GRIA2: variants seen among roughly 807,000 people sequenced by gnomAD.
The protein encoded by GRIA2 is glutamate ionotropic receptor AMPA type subunit 2, also known as glutamate receptor 2.
Under a neutral mutation model 97.3 loss-of-function variants are expected in GRIA2, and 14 were observed. The ratio of observed to expected loss-of-function variants is 0.14; its 90% CI spans 0.10 to 0.23. The LOEUF (loss-of-function observed/expected upper bound fraction) is 0.23. Ranked by LOEUF, GRIA2 falls within the 10% of genes least tolerant of loss-of-function variation. The pLI, the probability that GRIA2 is intolerant of heterozygous loss-of-function variation, is 1.00. For synonymous variants in GRIA2, 412 were observed against 387.8 expected, an observed-to-expected ratio of 1.06 and a Z score of -0.73; for missense variants, 558 against 1,069.8, an observed-to-expected ratio of 0.52 and a Z score of 6.67.
In GRIA2 at chr4:157,246,771, T is replaced by C. The variant is rs1730750962; in HGVS notation, c.229+24964T>C. 2.0e-5 allele frequency among the ~76,000 whole-genome samples: 3 copies of C among 152,142 alleles called. No homozygotes were observed. The South Asian group carries it at 6.2e-4, about 32-fold the overall frequency. ...GAGATTTTCACTTCTTAGAGTTGAT[T>C]TTTCTTCACACAAATATTGAGTAGT... is the stretch of plus-strand genomic sequence containing the variant. On this transcript the variant is annotated intron_variant, in intron 2 of 15. Transcript: ENST00000264426.
chr4:157,235,631 A>G lies in GRIA2; in HGVS notation c.229+13824A>G, dbSNP rs1419788092. Reference sequence around the variant, plus strand: ...TGCTGAAAACTTGGGTAGCCAAATGAGTACTACTGCTGTTAACAAACTAAT... The same window carrying G: ...TGCTGAAAACTTGGGTAGCCAAATGGGTACTACTGCTGTTAACAAACTAAT... On this transcript the variant is annotated intron_variant, in intron 2 of 15. Coordinates refer to ENST00000264426, the MANE Select transcript of GRIA2 (RefSeq NM_001083619.3). Among the ~76,000 whole-genome samples, 4 of 152,102 alleles carry G rather than the reference A, an allele frequency of 2.6e-5. No homozygotes were observed. The South Asian group carries it at 8.3e-4, about 31-fold the overall frequency.
At chr4:157,303,520 A>AT in intron 2 of GRIA2, 32 bp from the exon 3 acceptor site, 1 of 1,599,990 alleles carries the variant, frequency 6.3e-7, no homozygotes, top group Non-Finnish European at 8.6e-7. Context: ...AATTTCAATG[A>AT]TTTTTCCTTT....
At chr4:157,266,610 G>A (rs1359740879) in intron 2 of GRIA2, among the ~76,000 whole-genome samples, 2 of 152,074 alleles carry the variant, frequency 1.3e-5, no homozygotes, top group African/African-American at 4.8e-5. Context: ...GTTGCAGTGA[G>A]CTAATGAATG....
intron 12 of GRIA2, among the ~76,000 whole-genome samples, chr4:157,347,503 C>T (rs749109984): frequency 2.6e-5 from 4 of 152,166 alleles, no homozygotes; most frequent in Non-Finnish European, 5.9e-5. Flanking sequence ...TAAAACAATA[C>T]AGAAGTGATT....
At chr4:157,335,947 C>G in intron 10 of GRIA2, 70 bp downstream of exon 10, 2 of 962,030 alleles carry the variant, frequency 2.1e-6, no homozygotes, top group South Asian at 2.8e-5. Context: ...CTTCCTCTCC[C>G]TGTGAAGTAT....
At chr4:157,350,774 G>T (rs1735975682) in intron 12 of GRIA2, among the ~76,000 whole-genome samples, 3 of 151,890 alleles carry the variant, frequency 2.0e-5, no homozygotes, top group African/African-American at 7.2e-5. Flanking sequence ...TAACTGCATG[G>T]AATTAATTGC....
At chr4:157,354,625 G>A (rs142313802) in intron 12 of GRIA2, among the ~76,000 whole-genome samples, 4 of 152,272 alleles carry the variant, frequency 2.6e-5, no homozygotes, top group Non-Finnish European at 4.4e-5. Flanking sequence ...AAATGTGATG[G>A]CAGATGTTGT....
chr4:157,301,317 A>G (rs1257114398), intron 2 of GRIA2, among the ~76,000 whole-genome samples: 2 of 152,264 alleles, frequency 1.3e-5, no homozygotes, highest in African/African-American at 4.8e-5. Flanking sequence ...CAAATACACT[A>G]AAGGTTATTT....
At chr4:157,281,904 T>C (rs1411931192) in intron 2 of GRIA2, among the ~76,000 whole-genome samples, 1 of 152,132 alleles carries the variant, frequency 6.6e-6, no homozygotes, top group Non-Finnish European at 1.5e-5. Context: ...ATTTCTTTCT[T>C]GTACCTTCTC....
intron 6 of GRIA2, 24 bp downstream of exon 6, chr4:157,321,623 C>A (rs1243510950): frequency 2.6e-6 from 4 of 1,558,110 alleles, no homozygotes; most frequent in East Asian, 2.3e-5. Context: ...TCTGTCTTTT[C>A]TTTTTCTTTC....
At chr4:157,353,147 G>A (rs187983940) in intron 12 of GRIA2, among the ~76,000 whole-genome samples, 3 of 149,118 alleles carry the variant, frequency 2.0e-5, no homozygotes, top group Non-Finnish European at 4.5e-5. Context: ...GAGGTCGGGA[G>A]TTTGAGACCA....
intron 2 of GRIA2, among the ~76,000 whole-genome samples, chr4:157,296,661 T>G (rs377269962): frequency 6.6e-6 from 1 of 152,172 alleles, no homozygotes; most frequent in African/African-American, 2.4e-5. Flanking sequence ...TTCTACCAGG[T>G]GCCCAGGGAA....
chr4:157,276,844 T>G (rs1299594397), intron 2 of GRIA2, among the ~76,000 whole-genome samples: 5 of 151,852 alleles, frequency 3.3e-5, no homozygotes, highest in Non-Finnish European at 7.4e-5. Flanking sequence ...GAAAATACAA[T>G]TTGCCTAAAC....
chr4:157,249,593 T>G (rs939049905), intron 2 of GRIA2: 16 of 152,142 alleles, frequency 1.1e-4, no homozygotes, highest in African/African-American at 3.9e-4. Context: ...CTTAAAATAA[T>G]CATGTGCCTG....
rs547528312 is a variant in GRIA2, at chr4:157,341,176, T to G, written c.1845-88T>G. The G allele has an allele frequency of 1.9e-4, 161 of 828,108 alleles. 1 individual carries two copies. The East Asian group carries it at 3.6e-3, about 18-fold the overall frequency. 51.3% of individuals were successfully genotyped at this position (828,108 alleles called of 1,614,324 possible). A position where few individuals can be genotyped will look rare whatever the true frequency, so the allele number is the denominator to read the frequency against. ...AAATATAAAATTAAATATTCCCCTA[T>G]AAGTCAATATTTGCATAATACTGCT... is the stretch of plus-strand genomic sequence containing the variant. On this transcript the variant is annotated intron_variant, in intron 11 of 15. Transcript: ENST00000264426.
chr4:157,336,572 G>A lies in GRIA2; in HGVS notation c.1669G>A (p.Val557Ile). 1 of 1,612,990 alleles carries A rather than the reference G, an allele frequency of 6.2e-7. No individual in the cohort carries two copies. Among genetic ancestry groups the A allele is most frequent in the Non-Finnish European group, 8.5e-7 (1 of 1,179,120 alleles). The stretch of plus-strand genomic sequence containing the variant: ...GTGCATTGTTTTTGCCTACATTGGG[G>A]TCAGTGTAGTTTTATTCCTGGTCAG... ...WMCIVFAYIG[V>I]SVVLFLVSRF... is the part of the protein sequence containing the mutation. The change falls in exon 11 of 16, where the codon GTC (valine) becomes ATC (isoleucine). Residue 557 changes from valine (V) to isoleucine (I), a missense_variant. Val to Ile is a conservative substitution (Grantham distance 29). Coordinates refer to ENST00000264426, the MANE Select transcript of GRIA2 (RefSeq NM_001083619.3).
chr4:157,300,082 C>T (rs10008950), intron 2 of GRIA2, among the ~76,000 whole-genome samples: 54,188 of 151,346 alleles, frequency 0.36, 10,218 homozygotes, highest in African/African-American at 0.48. Flanking sequence ...CACGTTATTT[C>T]TGATAGTCTC....
At chr4:157,306,945 C>G (rs1560757942) in intron 3 of GRIA2, among the ~76,000 whole-genome samples, 1 of 152,030 alleles carries the variant, frequency 6.6e-6, no homozygotes, top group Non-Finnish European at 1.5e-5. Context: ...AAAATAGATC[C>G]CATGGTTTCA....
intron 2 of GRIA2, among the ~76,000 whole-genome samples, chr4:157,294,450 G>GA (rs1177233693): frequency 1.5e-4 from 20 of 136,874 alleles, no homozygotes; most frequent in Middle Eastern, 3.6e-3. Flanking sequence ...ATGAAGAAGA[G>GA]AAAAAAAAAG....
Sources: gnomAD v4.1 joint callset for allele counts (sites outside exome capture counted in the v4.1 genomes callset) on GRCh38, gnomAD v4.1.1 for gene constraint, MANE v1.5 for transcripts, NCBI Gene and HGNC (gene_info 2026-07-23, HGNC 2026-07-21) for gene names.